Variants in FOXN1 observed in about 807,000 individuals in gnomAD.
The protein encoded by FOXN1 is forkhead box protein N1.
In FOXN1, 15 loss-of-function variants were observed where a neutral mutation model predicts 49.0. The ratio of observed to expected loss-of-function variants is 0.31; its 90% CI spans 0.20 to 0.47. The LOEUF (loss-of-function observed/expected upper bound fraction) is 0.47. Among genes scored for constraint, FOXN1 ranks in the 20% least tolerant of loss-of-function variants. The pLI, the probability that FOXN1 is intolerant of heterozygous loss-of-function variation, is 1.00. For synonymous variants in FOXN1, 356 were observed against 369.0 expected (o/e 0.96, Z 0.40); for missense variants, 800 against 842.8 (o/e 0.95, Z 0.63).
At chr17:28,532,212 C>T (rs574806370) in intron 6 of FOXN1, among the ~76,000 whole-genome samples, 12 of 152,322 alleles carry the variant, frequency 7.9e-5, no homozygotes, top group African/African-American at 2.9e-4. Context: ...ATTATTTTTC[C>T]TGGGAGCCAT....
rs1174169171 is a variant in FOXN1, at chr17:28,524,540, A to G, written c.161A>G (p.Asp54Gly). 6.2e-7 allele frequency: 1 copy of G among 1,613,428 alleles called. No individual in the cohort carries two copies. The highest frequency in any genetic ancestry group is 8.5e-7 in the Non-Finnish European group (1 of 1,179,976). Reference sequence around the variant, plus strand: ...TTCAGCTGCTCGTCATTTGTGTCCGACGGCCCTCCAGAGAGGACACCCTCA... The same window carrying G: ...TTCAGCTGCTCGTCATTTGTGTCCGGCGGCCCTCCAGAGAGGACACCCTCA... ...AGFSCSSFVS[D>G]GPPERTPSLP... Residue 54 changes from aspartate (D) to glycine (G), a missense_variant, in exon 3 of 9, where the codon GAC (aspartate) becomes GGC (glycine). Transcript: ENST00000579795.
rs1176416648 is a variant in FOXN1, at chr17:28,534,544, G to A, written c.1135+6G>A. On this transcript the variant is annotated splice_donor_region_variant and intron_variant, in intron 7 of 8. Coordinates refer to ENST00000579795, the MANE Select transcript of FOXN1 (RefSeq NM_001369369.1). This position sits in a 1 kb window ranked among gnomAD's most constrained non-coding sequence, Gnocchi z 4.1. ...CAAAAGCATGGCCAAGCCAGGTGAG[G>A]CCGGCCGGGCCACGCAAGGAAGGGC... is the stretch of plus-strand genomic sequence containing the variant. 6.2e-7 allele frequency: 1 copy of A among 1,612,526 alleles called. No individual in the cohort carries two copies. The highest frequency in any genetic ancestry group is 2.2e-5 in the East Asian group (1 of 44,858).
intron 6 of FOXN1, among the ~76,000 whole-genome samples, chr17:28,532,941 G>A (rs1179406091): frequency 6.6e-6 from 1 of 152,192 alleles, no homozygotes; most frequent in Non-Finnish European, 1.5e-5. Flanking sequence ...TGGAGACTGT[G>A]GTGGGAGTCG....
chr17:28,524,266 T>A (rs1010053211), intron 2 of FOXN1, among the ~76,000 whole-genome samples, 174 bp downstream of exon 2: 11 of 152,072 alleles, frequency 7.2e-5, no homozygotes, highest in Non-Finnish European at 1.5e-4. Context: ...CCTCATCCCT[T>A]CAGTCTGAGC....
chr17:28,509,457 C>G (rs533393077), intron 1 of FOXN1, among the ~76,000 whole-genome samples: 13 of 152,322 alleles, frequency 8.5e-5, no homozygotes, highest in Admixed American at 8.5e-4. Context: ...GATGGATCTC[C>G]TCCTATGTCA....
At chr17:28,517,349 C>T (rs1295759905) in intron 1 of FOXN1, among the ~76,000 whole-genome samples, 2 of 148,728 alleles carry the variant, frequency 1.3e-5, no homozygotes, top group Non-Finnish European at 3.0e-5. Flanking sequence ...CCACAGGGTA[C>T]AGGGTACACA....
Position 28,524,807 on chromosome 17 carries a change from C to A in FOXN1, c.428C>A (p.Ala143Asp), listed in dbSNP as rs977729381. ...TTCCCAGAGGCCGAGACCACCCTGG[C>A]CCTCAAAGGACACTCCTTTAAGACC... Reference protein sequence around the residue: ...DVFPEAETTLALKGHSFKTPG... With the variant: ...DVFPEAETTLDLKGHSFKTPG... The change falls in exon 3 of 9, where the codon GCC (alanine) becomes GAC (aspartate). Residue 143 changes from alanine to aspartate, a missense_variant. By Grantham distance (126) the Ala-to-Asp change is moderately radical. Transcript: ENST00000579795. 6.2e-7 allele frequency: 1 copy of A among 1,613,752 alleles called. No homozygotes were observed. Among genetic ancestry groups the A allele is most frequent in the African/African-American group, 1.3e-5 (1 of 75,044 alleles).
intron 8 of FOXN1, among the ~76,000 whole-genome samples, chr17:28,535,934 A>G (rs2070052946): frequency 6.6e-6 from 1 of 152,208 alleles, no homozygotes; most frequent in Non-Finnish European, 1.5e-5. Flanking sequence ...AGAGCTGGGC[A>G]AGTCCTGGAG....
intron 2 of FOXN1, 121 bp from the exon 3 acceptor site, chr17:28,524,382 T>A (rs2069714002): frequency 2.2e-6 from 2 of 923,236 alleles, no homozygotes; most frequent in South Asian, 2.8e-5. Flanking sequence ...TCTCCACCAT[T>A]TAGGGTCTTC....
At position 28,534,562 on chromosome 17, in the gene FOXN1, G is replaced by C; in HGVS notation, c.1135+24G>C. 6.2e-7 allele frequency: 1 copy of C among 1,611,142 alleles called. No homozygotes were observed. Among genetic ancestry groups the C allele is most frequent in the Non-Finnish European group, 8.5e-7 (1 of 1,179,256 alleles). Reference sequence around the variant, plus strand: ...AGGTGAGGCCGGCCGGGCCACGCAAGGAAGGGCCCAGGGTACTCATGAGCC... The same window carrying C: ...AGGTGAGGCCGGCCGGGCCACGCAACGAAGGGCCCAGGGTACTCATGAGCC... On this transcript the variant is annotated intron_variant, in intron 7 of 8. Transcript: ENST00000579795. This position sits in a 1 kb window ranked among gnomAD's most constrained non-coding sequence, Gnocchi z 4.1.
intron 3 of FOXN1, among the ~76,000 whole-genome samples, chr17:28,525,636 T>TC (rs113278878): frequency 5.7e-4 from 87 of 152,250 alleles, no homozygotes; most frequent in African/African-American, 2.0e-3. Context: ...TGCTCCCTGC[T>TC]CCCCCGCTCT....
rs1425750270 is a variant in FOXN1, at chr17:28,509,476, C to G, written c.-15+3033C>G. The stretch of plus-strand genomic sequence containing the variant: ...GATCTCCTCCTATGTCACAGGTTCC[C>G]TTGGAGTCTAACACCCCTCACCAGC... On this transcript the variant is annotated intron_variant, in intron 1 of 8. Coordinates refer to ENST00000579795, the MANE Select transcript of FOXN1 (RefSeq NM_001369369.1). 2.0e-5 allele frequency among the ~76,000 whole-genome samples: 3 copies of G among 152,230 alleles called. No individual in the cohort carries two copies. The East Asian group carries it at 5.8e-4, about 29-fold the overall frequency.
Position 28,524,823 on chromosome 17 carries a change from C to T in FOXN1, c.444C>T (p.Ser148=), listed in dbSNP as rs1312706063. 3 of 1,613,782 alleles carry T rather than the reference C, an allele frequency of 1.9e-6. No homozygotes were observed. Among genetic ancestry groups the T allele is most frequent in the Non-Finnish European group, 2.5e-6 (3 of 1,180,002 alleles). ...AETTLALKGH[S]FKTPGPLEAF... is the part of the protein sequence containing the mutation. ...CCACCCTGGCCCTCAAAGGACACTCCTTTAAGACCCCAGGGCCGCTGGAGG... is the reference window on the plus strand; with the variant it reads ...CCACCCTGGCCCTCAAAGGACACTCTTTTAAGACCCCAGGGCCGCTGGAGG... The change falls in exon 3 of 9, where the codon TCC becomes TCT. Residue 148 remains serine (S), a synonymous_variant. Coordinates refer to ENST00000579795, the MANE Select transcript of FOXN1 (RefSeq NM_001369369.1).
At chr17:28,537,076 G>A (rs368801700) in intron 8 of FOXN1, 41 bp from the exon 9 acceptor site, 56 of 1,520,826 alleles carry the variant, frequency 3.7e-5, no homozygotes, top group South Asian at 3.1e-4. Context: ...GGGCTCCTCC[G>A]GTGCCTCCCA....
Position 28,534,600 on chromosome 17 carries a change from A to AAG in FOXN1, c.1135+68_1135+69dup. On this transcript the variant is annotated intron_variant, in intron 7 of 8. Transcript: ENST00000579795. This position sits in a 1 kb window ranked among gnomAD's most constrained non-coding sequence, Gnocchi z 4.1. ...GTACTCATGAGCCAAAAAAAAAAAAAAGAGAGAATCAGAGAATGAGGCAAG... is the reference window on the plus strand; with the variant it reads ...GTACTCATGAGCCAAAAAAAAAAAAAAGAGAGAGAATCAGAGAATGAGGCAAG... The AAG allele has an allele frequency of 2.5e-6, 4 of 1,579,626 alleles. No individual in the cohort carries two copies. The highest frequency in any genetic ancestry group is 2.3e-5 in the East Asian group (1 of 44,232).
chr17:28,534,204 A>G lies in FOXN1; in HGVS notation c.928-127A>G, dbSNP rs1797814587. ...CAAGGGATGGGTGCTGAGGAGGACA[A>G]CAAGCCCCAGAGTGGGCGGCAGCTC... On this transcript the variant is annotated intron_variant, in intron 6 of 8. Coordinates refer to ENST00000579795, the MANE Select transcript of FOXN1 (RefSeq NM_001369369.1). This position sits in a 1 kb window ranked among gnomAD's most constrained non-coding sequence, Gnocchi z 4.1. 7.1e-7 allele frequency: 1 copy of G among 1,404,556 alleles called. No individual in the cohort carries two copies. 87.0% of individuals were successfully genotyped at this position (1,404,556 alleles called of 1,614,324 possible).
Position 28,524,645 on chromosome 17 carries a change from G to T in FOXN1, c.266G>T (p.Gly89Val), listed in dbSNP as rs567680104. ...CACTGCCCAGCCGGCCCCGGCCCTG[G>T]GCCCTTCAGGCTCTCACCCTCAGAC... ...QGHCPAGPGP[G>V]PFRLSPSDKY... The change falls in exon 3 of 9, where the codon GGG becomes GTG. Residue 89 changes from glycine (G) to valine (V), a missense_variant. Transcript: ENST00000579795. 6.2e-7 allele frequency: 1 copy of T among 1,613,680 alleles called. No individual in the cohort carries two copies. Among genetic ancestry groups the T allele is most frequent in the Admixed American group, 1.7e-5 (1 of 60,008 alleles).
At chr17:28,518,890 T>TGA (rs1216452883) in intron 1 of FOXN1, among the ~76,000 whole-genome samples, 3 of 152,216 alleles carry the variant, frequency 2.0e-5, no homozygotes, top group Non-Finnish European at 4.4e-5. Context: ...AAAATGGGCT[T>TGA]GATGACCTTG....
At chr17:28,514,657 C>T (rs2069459776) in intron 1 of FOXN1, among the ~76,000 whole-genome samples, 2 of 152,130 alleles carry the variant, frequency 1.3e-5, no homozygotes, top group Admixed American at 1.3e-4. Context: ...GAGCCCCACC[C>T]CTCGTAAAAC....
Sources: gnomAD v4.1 joint callset for allele counts (sites outside exome capture counted in the v4.1 genomes callset) on GRCh38, gnomAD v4.1.1 for gene constraint, Gnocchi (gnomAD v3.1) non-coding constraint, MANE v1.5 for transcripts, NCBI Gene and HGNC (gene_info 2026-07-23, HGNC 2026-07-21) for gene names.